The following ETFA variants were observed in gnomAD, a reference collection of about 807,000 sequenced individuals.
ETFA encodes electron transfer flavoprotein subunit alpha.
ETFA carries 22 observed loss-of-function variants against 46.2 expected under a neutral mutation model. The observed-to-expected ratio is 0.48, with a 90% confidence interval of 0.34 to 0.68. The LOEUF is 0.68. Among genes scored for constraint, ETFA ranks in the 30% least tolerant of loss-of-function variants. The pLI is 0.01. For missense variants in ETFA, 345 were observed against 401.1 expected, an observed-to-expected ratio of 0.86 and a Z score of 1.19; for synonymous variants, 131 against 139.9, an observed-to-expected ratio of 0.94 and a Z score of 0.45.
chr15:76,301,805 T>C (rs992580129), intron 1 of ETFA, among the ~76,000 whole-genome samples: 7 of 152,070 alleles, frequency 4.6e-5, no homozygotes, highest in African/African-American at 1.7e-4. Context: ...ACATATCTGA[T>C]AAAAGACTTA....
chr15:76,306,783 G>T (rs2039944624), intron 1 of ETFA, among the ~76,000 whole-genome samples: 1 of 152,022 alleles, frequency 6.6e-6, no homozygotes, highest in Admixed American at 6.6e-5. Context: ...AATGTTATAT[G>T]ACATTGACTG....
intron 8 of ETFA, among the ~76,000 whole-genome samples, chr15:76,280,019 C>T (rs1161233072): frequency 6.6e-6 from 1 of 152,088 alleles, no homozygotes; most frequent in East Asian, 1.9e-4. Flanking sequence ...CTGCCTCAGC[C>T]TCCAGAGTAG....
intron 11 of ETFA, among the ~76,000 whole-genome samples, chr15:76,222,438 TTGTC>T (rs1193248354): frequency 7.2e-5 from 11 of 152,302 alleles, no homozygotes; most frequent in Admixed American, 5.9e-4. Context: ...CCAAACCACT[TTGTC>T]TGTGCTCTTG....
At chr15:76,241,367 G>A (rs2039186100) in intron 9 of ETFA, among the ~76,000 whole-genome samples, 1 of 151,936 alleles carries the variant, frequency 6.6e-6, no homozygotes, top group African/African-American at 2.4e-5. Context: ...AGCTGGGTGT[G>A]GTGGGACACA....
At chr15:76,301,862 A>C (rs1267341076) in intron 1 of ETFA, among the ~76,000 whole-genome samples, 1 of 152,208 alleles carries the variant, frequency 6.6e-6, no homozygotes, top group African/African-American at 2.4e-5. Context: ...AAAAATGAAC[A>C]ATCTGATTTA....
intron 7 of ETFA, chr15:76,284,691 T>TGC: frequency 6.0e-6 from 1 of 167,100 alleles, no homozygotes; most frequent in Non-Finnish European, 1.3e-5. Context: ...GGGGTTTCAC[T>TGC]ATGTTGGCCA....
intron 6 of ETFA, 128 bp from the exon 7 acceptor site, chr15:76,285,866 GCTC>G: frequency 1.4e-6 from 1 of 692,466 alleles, no homozygotes; most frequent in African/African-American, 1.8e-5. Context: ...AATTTTCAGT[GCTC>G]CTAATTAATT....
At chr15:76,241,479 A>G (rs1054441381) in intron 9 of ETFA, among the ~76,000 whole-genome samples, 1 of 151,404 alleles carries the variant, frequency 6.6e-6, no homozygotes, top group Non-Finnish European at 1.5e-5. Flanking sequence ...ACTCCAGCTT[A>G]GCTAATAGAG....
rs1250916782 is a variant in ETFA at position 76,292,686 on chromosome 15, G to C, written c.201C>G (p.Leu67=). ...CTTTTGCTATGCCTGCTACTTTACA[G>C]AGATCTTGTGCCACCTATGATTAAA... ...GTKCDKVAQD[L]CKVAGIAKVL... The change falls in exon 3 of 12, where the codon CTC becomes CTG. Residue 67 remains leucine (L), a synonymous_variant. Coordinates refer to ENST00000557943, the MANE Select transcript of ETFA (RefSeq NM_000126.4). 4 of 1,611,422 alleles carry C rather than the reference G, an allele frequency of 2.5e-6. No individual in the cohort carries two copies. Among genetic ancestry groups the C allele is most frequent in the Non-Finnish European group, 3.4e-6 (4 of 1,177,546 alleles).
At chr15:76,223,422 C>T (rs947242800) in intron 11 of ETFA, among the ~76,000 whole-genome samples, 1 of 151,912 alleles carries the variant, frequency 6.6e-6, no homozygotes, top group East Asian at 1.9e-4. Context: ...AGGGTTTCAC[C>T]ATCTTGCCCA....
chr15:76,236,242 C>T (rs1431613373), intron 9 of ETFA, among the ~76,000 whole-genome samples: 1 of 152,118 alleles, frequency 6.6e-6, no homozygotes, highest in Non-Finnish European at 1.5e-5. Context: ...CACTGTTAAG[C>T]CCCAAACAGA....
At chr15:76,284,553 C>T (rs186854595) in intron 7 of ETFA, 1,760 of 172,780 alleles carry the variant, frequency 0.01, 10 homozygotes, top group Non-Finnish European at 0.015. Context: ...TGCAATGGTG[C>T]GATCTCGGCT....
rs2038888757 is a variant in ETFA at position 76,215,488 on chromosome 15, T to C, written c.*1071A>G. ...CCTCCATCACTTATCACTTCCCTTC[T>C]CTTCCCTACTGTCTGCTTGATCCAG... On this transcript the variant is annotated 3_prime_UTR_variant, in exon 12 of 12. Transcript: ENST00000557943. 6.6e-6 allele frequency: 1 copy of C among 152,128 alleles called. No homozygotes were observed. The highest frequency in any genetic ancestry group is 2.1e-4 in the South Asian group (1 of 4,816). 9.4% of individuals were successfully genotyped at this position (152,128 alleles called of 1,614,324 possible).
intron 9 of ETFA, among the ~76,000 whole-genome samples, chr15:76,267,937 C>G (rs1347641896): frequency 2.6e-5 from 4 of 151,856 alleles, no homozygotes; most frequent in African/African-American, 9.7e-5. Context: ...CACCAAACAT[C>G]TGAAGATCTA....
At chr15:76,266,347 C>T (rs891388668) in intron 9 of ETFA, among the ~76,000 whole-genome samples, 3 of 152,128 alleles carry the variant, frequency 2.0e-5, no homozygotes, top group Non-Finnish European at 4.4e-5. Flanking sequence ...TGCCACAAGG[C>T]ATATTAAATA....
At chr15:76,223,571 C>T (rs1379472502) in intron 11 of ETFA, among the ~76,000 whole-genome samples, 2 of 152,174 alleles carry the variant, frequency 1.3e-5, no homozygotes, top group Non-Finnish European at 2.9e-5. Flanking sequence ...TGCCTTAACA[C>T]AATTCTAGCT....
At chr15:76,299,999 T>C (rs1053243808) in intron 1 of ETFA, among the ~76,000 whole-genome samples, 61 of 152,168 alleles carry the variant, frequency 4.0e-4, no homozygotes, top group African/African-American at 1.4e-3. Flanking sequence ...TTCCTCATTC[T>C]CACTCCCTCC....
At chr15:76,260,015 A>T in intron 9 of ETFA, 5 of 1,476,412 alleles carry the variant, frequency 3.4e-6, no homozygotes, top group Non-Finnish European at 3.8e-6. Flanking sequence ...TTCCTGAGGA[A>T]CTCTTCAATG....
At chr15:76,242,944 A>G (rs2039206372) in intron 9 of ETFA, among the ~76,000 whole-genome samples, 1 of 152,234 alleles carries the variant, frequency 6.6e-6, no homozygotes, top group Non-Finnish European at 1.5e-5. Flanking sequence ...TTTCAGAAAT[A>G]GAGTAGTGAT....
Sources: gnomAD v4.1 joint callset for allele counts (sites outside exome capture counted in the v4.1 genomes callset) on GRCh38, gnomAD v4.1.1 for gene constraint, MANE v1.5 for transcripts, NCBI Gene and HGNC (gene_info 2026-07-23, HGNC 2026-07-21) for gene names.